COMMD1: variants seen among roughly 807,000 people sequenced by gnomAD.
COMMD1 encodes copper metabolism domain containing 1.
In COMMD1, 10 loss-of-function variants were observed where a neutral mutation model predicts 17.2. That is an observed-to-expected ratio of 0.58 (90% confidence interval 0.36 to 0.99). The LOEUF (loss-of-function observed/expected upper bound fraction) is 0.99. COMMD1 is among the 50% of genes least tolerant of loss of function. COMMD1 has a pLI of 0.01. For missense variants in COMMD1, 270 were observed against 231.8 expected (o/e 1.17, Z -1.07); for synonymous variants, 97 against 91.6 (o/e 1.06, Z -0.34).
intron 2 of COMMD1, among the ~76,000 whole-genome samples, chr2:62,132,677 T>A (rs1673076406): frequency 6.6e-6 from 1 of 151,912 alleles, no homozygotes; most frequent in African/African-American, 2.4e-5. Flanking sequence ...ACACCCTGTC[T>A]CTATTGAAAA....
chr2:61,976,122 A>G (rs1223459643), intron 1 of COMMD1, among the ~76,000 whole-genome samples: 1 of 151,964 alleles, frequency 6.6e-6, no homozygotes, highest in Admixed American at 6.6e-5. Context: ...TTTGCGTCTC[A>G]TATGTTTTAT....
intron 2 of COMMD1, among the ~76,000 whole-genome samples, chr2:62,016,619 A>G (rs921407555): frequency 6.6e-6 from 1 of 151,702 alleles, no homozygotes; most frequent in African/African-American, 2.4e-5. Flanking sequence ...CAGGATATCA[A>G]TCACATATTA....
chr2:61,969,296 T>A (rs945691091), intron 1 of COMMD1, among the ~76,000 whole-genome samples: 2 of 152,212 alleles, frequency 1.3e-5, no homozygotes, highest in Admixed American at 6.5e-5. Flanking sequence ...TGGCATTTGA[T>A]CTTTAATTAT....
intron 1 of COMMD1, among the ~76,000 whole-genome samples, chr2:61,953,098 C>T (rs938147987): frequency 3.3e-5 from 5 of 152,058 alleles, no homozygotes; most frequent in African/African-American, 1.2e-4. Flanking sequence ...AAACCTCCAC[C>T]TCCTGAGTTT....
intron 2 of COMMD1, among the ~76,000 whole-genome samples, chr2:62,041,979 T>G (rs1208434513): frequency 3.9e-5 from 6 of 152,260 alleles, no homozygotes; most frequent in Non-Finnish European, 5.9e-5. Flanking sequence ...GGCTTGCCGC[T>G]GCTGGCTCTG....
intron 1 of COMMD1, among the ~76,000 whole-genome samples, chr2:61,913,383 AAAAG>A (rs1669961269): frequency 6.7e-6 from 1 of 149,498 alleles, no homozygotes. Flanking sequence ...AAAAAAAAAA[AAAAG>A]AGAAAAGTGG....
intron 1 of COMMD1, among the ~76,000 whole-genome samples, chr2:61,889,105 G>A (rs1367688401): frequency 6.7e-6 from 1 of 148,616 alleles, no homozygotes; most frequent in African/African-American, 2.5e-5. Flanking sequence ...GTTTCACCAT[G>A]TTGGCCAGGC....
intron 2 of COMMD1, among the ~76,000 whole-genome samples, chr2:62,018,194 A>G (rs77288733): frequency 2.0e-5 from 3 of 152,138 alleles, no homozygotes; most frequent in Admixed American, 6.6e-5. Context: ...CACATGGCAC[A>G]TGGCTACCCA....
In COMMD1 at chr2:62,040,039, G is replaced by A. The variant is rs141228111; in HGVS notation, c.462+39057G>A. Among the ~76,000 whole-genome samples the A allele has an allele frequency of 5.1e-4, 77 of 152,248 alleles. 2 individuals carry two copies. The East Asian group carries it at 0.013, about 25-fold the overall frequency. On this transcript the variant is annotated intron_variant, in intron 2 of 2. Coordinates refer to ENST00000311832, the MANE Select transcript of COMMD1 (RefSeq NM_152516.4). ...GGGAGGCCAAGACTTGGGGGATTGC[G>A]TGAGGCCAGGAATTTGAGATTAGCC...
intron 2 of COMMD1, among the ~76,000 whole-genome samples, chr2:62,127,426 C>G (rs906321566): frequency 3.9e-5 from 6 of 152,138 alleles, no homozygotes; most frequent in Non-Finnish European, 8.8e-5. Flanking sequence ...CAAGACAATC[C>G]TAAGCAAAAA....
intron 1 of COMMD1, among the ~76,000 whole-genome samples, chr2:61,999,924 C>G (rs975874466): frequency 2.0e-5 from 3 of 148,746 alleles, no homozygotes; most frequent in African/African-American, 7.7e-5. Flanking sequence ...CCCCCTCCCC[C>G]ACCCACTTTT....
chr2:62,073,563 A>T (rs1477832607), intron 2 of COMMD1, among the ~76,000 whole-genome samples: 1 of 152,222 alleles, frequency 6.6e-6, no homozygotes, highest in Non-Finnish European at 1.5e-5. Context: ...ACCAATGTAT[A>T]CCTTACCTGT....
At chr2:61,946,795 A>C (rs954167101) in intron 1 of COMMD1, among the ~76,000 whole-genome samples, 1 of 151,940 alleles carries the variant, frequency 6.6e-6, no homozygotes, top group Admixed American at 6.6e-5. Flanking sequence ...TTACAACTTC[A>C]TATATTCCTT....
rs1230745111 is a variant in COMMD1, at chr2:62,012,268, CAT to C, written c.462+11288_462+11289del. Reference sequence around the variant, plus strand: ...TGAGACCTTGTCTCAAACACACACACATACACACACACACACACACACACACA... The same window carrying C: ...TGAGACCTTGTCTCAAACACACACACACACACACACACACACACACACACA... On this transcript the variant is annotated intron_variant, in intron 2 of 2. Coordinates refer to ENST00000311832, the MANE Select transcript of COMMD1 (RefSeq NM_152516.4). Among the ~76,000 whole-genome samples, 501 of 95,166 alleles carry C rather than the reference CAT, an allele frequency of 5.3e-3. 6 individuals are homozygous for C. Among genetic ancestry groups the C allele is most frequent in the African/African-American group, 0.019 (431 of 23,094 alleles). 62.4% of individuals were successfully genotyped at this position (95,166 alleles called of 152,430 possible).
At chr2:62,132,610 C>G (rs918063380) in intron 2 of COMMD1, among the ~76,000 whole-genome samples, 3 of 152,054 alleles carry the variant, frequency 2.0e-5, no homozygotes, top group African/African-American at 7.2e-5. Context: ...CTTTGAAGGC[C>G]AAGGCAGGCA....
intron 2 of COMMD1, among the ~76,000 whole-genome samples, chr2:62,002,853 A>G (rs1648748932): frequency 6.6e-6 from 1 of 151,892 alleles, no homozygotes; most frequent in Admixed American, 6.6e-5. Flanking sequence ...CTGTTGCAAA[A>G]AAAAAATTTA....
At chr2:61,955,319 T>C (rs1671170204) in intron 1 of COMMD1, among the ~76,000 whole-genome samples, 1 of 149,954 alleles carries the variant, frequency 6.7e-6, no homozygotes, top group African/African-American at 2.5e-5. Flanking sequence ...TCTTTCTCTC[T>C]CTCTCTCTCT....
At chr2:61,900,046 T>TAA (rs1421007634) in intron 1 of COMMD1, among the ~76,000 whole-genome samples, 3 of 152,218 alleles carry the variant, frequency 2.0e-5, no homozygotes, top group Non-Finnish European at 4.4e-5. Flanking sequence ...ACTCAGGAGT[T>TAA]CTTAGTCATG....
chr2:62,080,947 G>A (rs1671498451), intron 2 of COMMD1, among the ~76,000 whole-genome samples: 3 of 151,648 alleles, frequency 2.0e-5, no homozygotes, highest in Admixed American at 2.0e-4. Context: ...TTCTGGGGAA[G>A]GTTCTGTTAA....
Sources: allele counts gnomAD v4.1 joint callset (sites outside exome capture counted in the v4.1 genomes callset), GRCh38; gene constraint gnomAD v4.1.1; transcripts MANE v1.5; gene names NCBI Gene and HGNC (gene_info 2026-07-23, HGNC 2026-07-21).